Variants in RAD50 observed in about 807,000 individuals in gnomAD.
RAD50 encodes RAD50 double strand break repair protein.
RAD50 carries 132 observed loss-of-function variants against 168.8 expected under a neutral mutation model. That is an observed-to-expected ratio of 0.78 (90% CI 0.68 to 0.90). The LOEUF (loss-of-function observed/expected upper bound fraction) is 0.90, where lower values mean the gene tolerates loss of function less well. Among genes scored for constraint, RAD50 ranks in the 40% least tolerant of loss-of-function variants. The pLI is 0.00. For synonymous variants in RAD50, 525 were observed against 497.4 expected (o/e 1.06, Z -0.74); for missense variants, 1,347 against 1,534.4 (o/e 0.88, Z 2.04).
chr5:132,605,860 A>G (rs1429009590), intron 16 of RAD50, among the ~76,000 whole-genome samples: 2 of 152,230 alleles, frequency 1.3e-5, no homozygotes, highest in Non-Finnish European at 2.9e-5. Flanking sequence ...GAAACTGAAC[A>G]ACCTGCTCCC....
Position 132,642,807 on chromosome 5 carries a change from C to T in RAD50, c.*443C>T, listed in dbSNP as rs557885136. 1.4e-5 allele frequency: 5 copies of T among 353,364 alleles called. No individual in the cohort carries two copies. Among genetic ancestry groups the T allele is most frequent in the African/African-American group, 8.2e-5 (4 of 48,856 alleles). 21.9% of individuals were successfully genotyped at this position (353,364 alleles called of 1,614,324 possible). On this transcript the variant is annotated 3_prime_UTR_variant, in exon 25 of 25. Transcript: ENST00000378823. ...GGTTTGAAAAACTGAGTATTAATATCTGAGGATGACCAGAAATGGTGAGAT... is the reference window on the plus strand; with the variant it reads ...GGTTTGAAAAACTGAGTATTAATATTTGAGGATGACCAGAAATGGTGAGAT...
chr5:132,557,248 C>T lies in RAD50; in HGVS notation c.-77C>T. The T allele has an allele frequency of 3.2e-6, 5 of 1,567,048 alleles. No individual in the cohort carries two copies. Among genetic ancestry groups the T allele is most frequent in the Middle Eastern group, 1.7e-4 (1 of 5,980 alleles). On this transcript the variant is annotated 5_prime_UTR_variant, in exon 1 of 25. Coordinates refer to ENST00000378823, the MANE Select transcript of RAD50 (RefSeq NM_005732.4). ...CCTGAGATTCGCGGGTCTCACGTCCCGTGCACGCCTTGCTTCGGCCTCAGT... is the reference window on the plus strand; with the variant it reads ...CCTGAGATTCGCGGGTCTCACGTCCTGTGCACGCCTTGCTTCGGCCTCAGT...
chr5:132,618,135 G>A lies in RAD50; in HGVS notation c.3230G>A (p.Arg1077Gln), dbSNP rs104895051. 1.8e-5 allele frequency: 29 copies of A among 1,613,638 alleles called. No individual in the cohort carries two copies. Among genetic ancestry groups the A allele is most frequent in the African/African-American group, 8.0e-5 (6 of 74,874 alleles). The change falls in exon 21 of 25, where the codon CGA (arginine) becomes CAA (glutamine). Residue 1077 changes from arginine to glutamine, a missense_variant. Physicochemically the swap from Arg to Gln is conservative, Grantham distance 43 (BLOSUM62 1). This residue lies in a region of RAD50 where 635 missense variants were observed against 739.2 expected (regional missense o/e 0.86). Transcript: ENST00000378823. ...AGAAATCATAATTTGGCATTAGGGC[G>A]ACAGAAAGGTTATGAAGAAGAAATT... ...IKRNHNLALG[R>Q]QKGYEEEIIH...
At chr5:132,619,903 G>GAGAGAGAT (rs1554099998) in intron 21 of RAD50, among the ~76,000 whole-genome samples, 7 of 135,108 alleles carry the variant, frequency 5.2e-5, no homozygotes, top group South Asian at 2.2e-4. Context: ...GAGAGAGAGA[G>GAGAGAGAT]ATATATCTTT....
intron 21 of RAD50, among the ~76,000 whole-genome samples, chr5:132,619,867 TAA>T (rs1423351183): frequency 0.014 from 1,778 of 124,152 alleles, 21 homozygotes; most frequent in East Asian, 0.053. Context: ...TATATATATA[TAA>T]AGATATATAT....
chr5:132,613,893 G>A (rs566213797), intron 19 of RAD50, among the ~76,000 whole-genome samples: 8 of 151,988 alleles, frequency 5.3e-5, no homozygotes, highest in Non-Finnish European at 8.8e-5. Context: ...CACCACGCCC[G>A]GCCACACAAT....
In RAD50 at chr5:132,608,665, G is replaced by C. The variant is rs1486539175; in HGVS notation, c.2769G>C (p.Gln923His). 6.2e-7 allele frequency: 1 copy of C among 1,600,650 alleles called. No homozygotes were observed. The highest frequency in any genetic ancestry group is 8.5e-7 in the Non-Finnish European group (1 of 1,173,614). The change falls in exon 17 of 25, where the codon CAG becomes CAC. Residue 923 changes from glutamine to histidine, a missense_variant. Physicochemically the swap from Gln to His is conservative, Grantham distance 24. This residue lies in a region of RAD50 where 635 missense variants were observed against 739.2 expected (regional missense o/e 0.86). Transcript: ENST00000378823. ...TGGAAACAACATTGGAAAAGTTCCAGCAAGAAAAAGAAGAATTAATCAACA... is the reference window on the plus strand; with the variant it reads ...TGGAAACAACATTGGAAAAGTTCCACCAAGAAAAAGAAGAATTAATCAACA... ...SPLETTLEKF[Q>H]QEKEELINKK...
chr5:132,559,879 G>A (rs896448334), intron 2 of RAD50, among the ~76,000 whole-genome samples: 2 of 152,008 alleles, frequency 1.3e-5, no homozygotes, highest in African/African-American at 4.8e-5. Context: ...GGAGTTCAAG[G>A]CTAGCCTGGA....
In RAD50 at chr5:132,643,362, TC is replaced by T. The variant is rs1352818826; in HGVS notation, c.*1000del. ...ATTGCCAGCTGACATCTTGAATCCT[TC>T]CATTCCACACAGAATGCAACCAAGT... On this transcript the variant is annotated 3_prime_UTR_variant, in exon 25 of 25. Coordinates refer to ENST00000378823, the MANE Select transcript of RAD50 (RefSeq NM_005732.4). 2.0e-5 allele frequency: 5 copies of T among 252,708 alleles called. No individual in the cohort carries two copies. Among genetic ancestry groups the T allele is most frequent in the Non-Finnish European group, 4.0e-5 (5 of 124,328 alleles). The allele number at this position is 252,708 out of a possible 1,614,324, so 15.7% of individuals were successfully genotyped here.
At chr5:132,605,072 T>C in intron 16 of RAD50, 73 bp downstream of exon 16, 1 of 1,188,638 alleles carries the variant, frequency 8.4e-7, no homozygotes. Flanking sequence ...TTTGAGACAG[T>C]CTCGTTCTGT....
rs1580993527 is a variant in RAD50 at position 132,589,777 on chromosome 5, A to T, written c.1392A>T (p.Leu464Phe). 6.2e-7 allele frequency: 1 copy of T among 1,613,814 alleles called. No individual in the cohort carries two copies. The part of the protein sequence containing the change: ...QNELKNVKYE[L>F]QQLEGSSDRI... ...AGCTGAAAAATGTGAAGTATGAATT[A>T]CAGCAGTTGGAAGGATCTTCAGACA... Residue 464 changes from leucine (L) to phenylalanine (F), a missense_variant, in exon 9 of 25, where the codon TTA (leucine) becomes TTT (phenylalanine). Physicochemically the swap from Leu to Phe is conservative, Grantham distance 22 (BLOSUM62 0). Coordinates refer to ENST00000378823, the MANE Select transcript of RAD50 (RefSeq NM_005732.4).
chr5:132,581,505 A>G (rs1397060921), intron 5 of RAD50, among the ~76,000 whole-genome samples: 1 of 152,216 alleles, frequency 6.6e-6, no homozygotes, highest in African/African-American at 2.4e-5. Flanking sequence ...GTGAAAAGTA[A>G]AAGATAGTCT....
intron 19 of RAD50, among the ~76,000 whole-genome samples, chr5:132,614,454 C>T (rs1021934648): frequency 4.0e-5 from 6 of 151,800 alleles, no homozygotes; most frequent in Non-Finnish European, 7.4e-5. Context: ...TTAGTAGATA[C>T]ATATTCAGTT....
chr5:132,634,461 G>T (rs1040185246), intron 21 of RAD50, among the ~76,000 whole-genome samples: 14 of 151,786 alleles, frequency 9.2e-5, no homozygotes, highest in Non-Finnish European at 1.8e-4. Context: ...GATTTTCTTG[G>T]ATTTTCTAAG....
At chr5:132,606,202 A>G (rs1408420800) in intron 16 of RAD50, among the ~76,000 whole-genome samples, 1 of 152,194 alleles carries the variant, frequency 6.6e-6, no homozygotes, top group African/African-American at 2.4e-5. Context: ...GTTTTTTAAA[A>G]AGATCAACAA....
intron 5 of RAD50, 51 bp from the exon 6 acceptor site, chr5:132,587,511 G>T (rs1224489405): frequency 1.3e-6 from 2 of 1,599,720 alleles, no homozygotes; most frequent in Admixed American, 1.7e-5. Flanking sequence ...TCATCTATCA[G>T]CCATGTAAGC....
At chr5:132,604,572 C>A (rs1750948305) in intron 15 of RAD50, among the ~76,000 whole-genome samples, 1 of 152,072 alleles carries the variant, frequency 6.6e-6, no homozygotes, top group Non-Finnish European at 1.5e-5. Flanking sequence ...TGGCCATGAG[C>A]TGTATTCTTT....
rs1395097796 is a variant in RAD50 at position 132,578,030 on chromosome 5, G to GTCTTGA, written c.366-1283_366-1278dup. On this transcript the variant is annotated intron_variant, in intron 3 of 24. Transcript: ENST00000378823. ...GGGTTTCACCATGTTAGCCAGAATG[G>GTCTTGA]TCTTGATCTCTTGACCTCGTGATCC... Among the ~76,000 whole-genome samples, 3 of 152,002 alleles carry GTCTTGA rather than the reference G, an allele frequency of 2.0e-5. No individual in the cohort carries two copies. The East Asian group carries it at 5.8e-4, about 29-fold the overall frequency.
intron 16 of RAD50, among the ~76,000 whole-genome samples, chr5:132,607,619 A>G (rs1581003757): frequency 6.6e-6 from 1 of 152,194 alleles, no homozygotes; most frequent in African/African-American, 2.4e-5. Flanking sequence ...ATTTTTTACT[A>G]TTTATAAAGC....
Sources: gnomAD v4.1 joint callset for allele counts (sites outside exome capture counted in the v4.1 genomes callset) on GRCh38, gnomAD v4.1.1 for gene constraint, gnomAD v4.1.1 regional missense constraint, MANE v1.5 for transcripts, NCBI Gene and HGNC (gene_info 2026-07-23, HGNC 2026-07-21) for gene names.